Variants in URAD observed in about 807,000 individuals in gnomAD.
URAD encodes the protein ureidoimidazoline (2-oxo-4-hydroxy-4-carboxy-5-) decarboxylase.
In URAD, 4 loss-of-function variants were observed where a neutral mutation model predicts 4.6. That is an observed-to-expected ratio of 0.87 (90% CI 0.43 to 1.98). The LOEUF (loss-of-function observed/expected upper bound fraction) is 1.98. Among genes scored for constraint, URAD ranks in the 30% most tolerant of loss-of-function variants. The pLI is 0.03. For missense variants in URAD, 300 were observed against 255.3 expected (o/e 1.18, Z -1.19); for synonymous variants, 144 against 118.2 (o/e 1.22, Z -1.41).
intron 1 of URAD, among the ~76,000 whole-genome samples, chr13:27,987,532 AG>A (rs1321092591): frequency 2.0e-5 from 3 of 152,274 alleles, no homozygotes; most frequent in Middle Eastern, 3.4e-3. Context: ...GTGGTACAAA[AG>A]TCAGCCGATT....
intron 1 of URAD, among the ~76,000 whole-genome samples, chr13:27,987,386 C>T (rs925826129): frequency 3.9e-5 from 6 of 152,188 alleles, no homozygotes; most frequent in African/African-American, 1.2e-4. Flanking sequence ...TCTCTCTCCA[C>T]AGAAGAAATC....
At position 27,978,313 on chromosome 13, in the gene URAD, G is replaced by C; in HGVS notation, c.315C>G (p.Ala105=). 3 of 1,396,960 alleles carry C rather than the reference G, an allele frequency of 2.1e-6. No individual in the cohort carries two copies. Among genetic ancestry groups the C allele is most frequent in the Non-Finnish European group, 2.8e-6 (3 of 1,083,434 alleles). The allele number at this position is 1,396,960 out of a possible 1,614,324, so 86.5% of individuals were successfully genotyped here. Residue 105 remains alanine (A), a synonymous_variant, in exon 2 of 2, where the codon GCC becomes GCG. Transcript: ENST00000332715. ...SLGADERLRL[A]ELNAQYRARF... ...GCGCGCGGTACTGCGCGTTGAGCTC[G>C]GCCAGCCGCAGCCGCTCGTCCGCGC...
Position 27,978,002 on chromosome 13 carries a change from C to T in URAD, c.*104G>A. 1.1e-6 allele frequency: 1 copy of T among 947,996 alleles called. No homozygotes were observed. The highest frequency in any genetic ancestry group is 1.4e-6 in the Non-Finnish European group (1 of 690,140). 58.7% of individuals were successfully genotyped at this position (947,996 alleles called of 1,614,324 possible). On this transcript the variant is annotated 3_prime_UTR_variant, in exon 2 of 2. Transcript: ENST00000332715. The stretch of plus-strand genomic sequence containing the variant: ...CACTTCCTTTGTGCACGTGTGTGGA[C>T]GCTGTTCCAGGCCCGAGTCCGCCTC...
chr13:27,985,543 C>T lies in URAD; in HGVS notation c.175+2920G>A, dbSNP rs186848984. 2.6e-5 allele frequency among the ~76,000 whole-genome samples: 4 copies of T among 152,204 alleles called. No homozygotes were observed. The East Asian group carries it at 5.8e-4, about 22-fold the overall frequency. On this transcript the variant is annotated intron_variant, in intron 1 of 1. Transcript: ENST00000332715. ...ATTATTGACTATAGTCACCAAGCTG[C>T]GAAGTAGATCATTTTATTTGATTAT...
rs1006721708 is a variant in URAD, at chr13:27,988,585, A to G, written c.53T>C (p.Phe18Ser). The part of the protein sequence containing the change: ...SMDLGEFVDV[F>S]GNATERCPLI... Reference sequence around the variant, plus strand: ...AGGACATCTCTCAGTGGCATTCCCAAACACATCCACGAATTCTCCAAGGTC... The same window carrying G: ...AGGACATCTCTCAGTGGCATTCCCAGACACATCCACGAATTCTCCAAGGTC... The change falls in exon 1 of 2, where the codon TTT (phenylalanine) becomes TCT (serine). Residue 18 changes from phenylalanine to serine, a missense_variant. By Grantham distance (155) the Phe-to-Ser change is radical. Coordinates refer to ENST00000332715, the MANE Select transcript of URAD (RefSeq NM_001105577.2). 1 of 1,613,792 alleles carries G rather than the reference A, an allele frequency of 6.2e-7. No individual in the cohort carries two copies. The highest frequency in any genetic ancestry group is 8.5e-7 in the Non-Finnish European group (1 of 1,179,810).
intron 1 of URAD, among the ~76,000 whole-genome samples, chr13:27,982,679 A>G (rs1400304835): frequency 6.6e-6 from 1 of 152,188 alleles, no homozygotes; most frequent in Non-Finnish European, 1.5e-5. Flanking sequence ...CTGAGCAGTC[A>G]GCATTTTCAT....
At position 27,978,022 on chromosome 13, in the gene URAD, CG is replaced by C; in HGVS notation, c.*83del. The C allele has an allele frequency of 8.3e-7, 1 of 1,199,926 alleles. No homozygotes were observed. Among genetic ancestry groups the C allele is most frequent in the Non-Finnish European group, 1.1e-6 (1 of 919,408 alleles). 74.3% of individuals were successfully genotyped at this position (1,199,926 alleles called of 1,614,324 possible). A position where few individuals can be genotyped will look rare whatever the true frequency, so the allele number is the denominator to read the frequency against. ...GTGGACGCTGTTCCAGGCCCGAGTC[CG>C]CCTCCCGCCCAGGACGCACAGCTCC... On this transcript the variant is annotated 3_prime_UTR_variant, in exon 2 of 2. Transcript: ENST00000332715.
intron 1 of URAD, among the ~76,000 whole-genome samples, chr13:27,984,046 G>A (rs889743076): frequency 6.6e-6 from 1 of 152,068 alleles, no homozygotes; most frequent in East Asian, 1.9e-4. Context: ...AAGACACAGA[G>A]ATGCACTTTG....
At chr13:27,979,466 T>C (rs758517909) in intron 1 of URAD, among the ~76,000 whole-genome samples, 3 of 152,200 alleles carry the variant, frequency 2.0e-5, no homozygotes, top group South Asian at 2.1e-4. Context: ...ATTTGTAAAA[T>C]GCGGGTGACG....
chr13:27,978,497 C>G (rs1408782521), intron 1 of URAD, 45 bp from the exon 2 acceptor site: 9 of 1,253,308 alleles, frequency 7.2e-6, no homozygotes, highest in Non-Finnish European at 9.0e-6. Flanking sequence ...CAACCGCGCC[C>G]GTCCCGCACC....
chr13:27,982,056 G>A (rs930649057), intron 1 of URAD, among the ~76,000 whole-genome samples: 2 of 152,132 alleles, frequency 1.3e-5, no homozygotes, highest in Admixed American at 6.6e-5. Flanking sequence ...CATCTTGCCT[G>A]AGCCCAAAGA....
intron 1 of URAD, among the ~76,000 whole-genome samples, chr13:27,986,132 C>T (rs1299801343): frequency 6.6e-6 from 1 of 152,162 alleles, no homozygotes; most frequent in African/African-American, 2.4e-5. Flanking sequence ...CAACAACCGT[C>T]CAGGGGGCCC....
chr13:27,986,709 CTT>C (rs67452556), intron 1 of URAD, among the ~76,000 whole-genome samples: 26,288 of 151,798 alleles, frequency 0.17, 2,294 homozygotes, highest in East Asian at 0.18. Flanking sequence ...ATATGCCTCT[CTT>C]TTTTTTTCCT....
intron 1 of URAD, among the ~76,000 whole-genome samples, chr13:27,984,454 T>C (rs1421533325): frequency 2.6e-5 from 4 of 152,198 alleles, no homozygotes; most frequent in Admixed American, 6.5e-5. Flanking sequence ...TGCCACCTAC[T>C]GGCCAATAAT....
rs1869776518 is a variant in URAD at position 27,978,337 on chromosome 13, GC to G, written c.290del (p.Gly97AlafsTer58). On this transcript the variant is annotated frameshift_variant, in exon 2 of 2. Coordinates refer to ENST00000332715, the MANE Select transcript of URAD (RefSeq NM_001105577.2). LOFTEE classifies it low-confidence loss of function (END_TRUNC). ...CGGCCAGCCGCAGCCGCTCGTCCGC[GC>G]CCAGGCTCCTCAGGCCTGCGCCGCT... ...EQSGAGLRSLGADERLRLAEL... is the reference protein window; with the variant it reads ...EQSGAGLRSLXADERLRLAEL... The G allele has an allele frequency of 2.2e-6, 3 of 1,394,974 alleles. No individual in the cohort carries two copies. The highest frequency in any genetic ancestry group is 1.6e-5 in the South Asian group (1 of 63,200). 86.4% of individuals were successfully genotyped at this position (1,394,974 alleles called of 1,614,324 possible).
rs748595875 is a variant in URAD, at chr13:27,978,241, C to T, written c.387G>A (p.Thr129=). Reference sequence around the variant, plus strand: ...GGCGCGCCAGCTCGCGCGGCACCGCCGTCCGGTCGCTGAAGCGCGCGGCGA... The same window carrying T: ...GGCGCGCCAGCTCGCGCGGCACCGCTGTCCGGTCGCTGAAGCGCGCGGCGA... The part of the protein sequence containing the change: ...FVLAARFSDR[T]AVPRELARRL... Residue 129 remains threonine, a synonymous_variant, in exon 2 of 2, where the codon ACG becomes ACA. Coordinates refer to ENST00000332715, the MANE Select transcript of URAD (RefSeq NM_001105577.2). The T allele has an allele frequency of 1.5e-5, 22 of 1,456,626 alleles. No homozygotes were observed. Among genetic ancestry groups the T allele is most frequent in the Middle Eastern group, 3.7e-4 (2 of 5,342 alleles). 90.2% of individuals were successfully genotyped at this position (1,456,626 alleles called of 1,614,324 possible).
chr13:27,978,551 C>A, intron 1 of URAD, 99 bp from the exon 2 acceptor site: 1 of 856,216 alleles, frequency 1.2e-6, no homozygotes, highest in Non-Finnish European at 1.5e-6. Flanking sequence ...CCCCCCTGCC[C>A]CGCCCCGCCC....
chr13:27,987,915 TA>T (rs201781001), intron 1 of URAD, among the ~76,000 whole-genome samples: 1 of 130,990 alleles, frequency 7.6e-6, no homozygotes, highest in African/African-American at 2.8e-5. Flanking sequence ...GATAGATAGA[TA>T]GATAGATAGA....
intron 1 of URAD, among the ~76,000 whole-genome samples, chr13:27,986,105 G>A (rs1056107181): frequency 6.6e-6 from 1 of 152,024 alleles, no homozygotes; most frequent in Admixed American, 6.5e-5. Flanking sequence ...CCCCAGAACC[G>A]TGTCTACTGC....
Sources: gnomAD v4.1 joint callset for allele counts (sites outside exome capture counted in the v4.1 genomes callset) on GRCh38, gnomAD v4.1.1 for gene constraint, MANE v1.5 for transcripts, NCBI Gene and HGNC (gene_info 2026-07-23, HGNC 2026-07-21) for gene names.